The following SGCZ variants were observed in gnomAD, a reference collection of about 807,000 sequenced individuals.
SGCZ encodes the protein zeta-sarcoglycan.
Under a neutral mutation model 41.3 loss-of-function variants are expected in SGCZ, and 40 were observed. That is an observed-to-expected ratio of 0.97 (90% CI 0.75 to 1.26). SGCZ has a LOEUF of 1.26. SGCZ is among the 50% of genes most tolerant of loss of function. The probability of loss-of-function intolerance (pLI) is 0.00; values close to 1 mark genes in which losing one functional copy is unlikely to be tolerated. For synonymous variants in SGCZ, 206 were observed against 137.5 expected, an observed-to-expected ratio of 1.50 and a Z score of -3.49; for missense variants, 552 against 369.8, an observed-to-expected ratio of 1.49 and a Z score of -4.04.
chr8:14,540,220 ATTTTT>A (rs11428713), intron 2 of SGCZ, among the ~76,000 whole-genome samples: 14,728 of 49,002 alleles, frequency 0.3, 1,529 homozygotes, highest in Admixed American at 0.36. Flanking sequence ...TCTCTGCTTA[ATTTTT>A]TTTTTTTTTT....
chr8:14,943,943 G>C (rs983327831), intron 1 of SGCZ, among the ~76,000 whole-genome samples: 1 of 152,030 alleles, frequency 6.6e-6, no homozygotes, highest in Non-Finnish European at 1.5e-5. Flanking sequence ...GTATGCCATG[G>C]TATATTACAT....
chr8:14,894,965 C>T (rs1805139836), intron 1 of SGCZ, among the ~76,000 whole-genome samples: 1 of 151,770 alleles, frequency 6.6e-6, no homozygotes, highest in Admixed American at 6.6e-5. Context: ...ATGCTAAATG[C>T]AAAAAAATCT....
intron 2 of SGCZ, among the ~76,000 whole-genome samples, chr8:14,460,556 G>A (rs906649431): frequency 6.6e-6 from 1 of 152,096 alleles, no homozygotes; most frequent in Non-Finnish European, 1.5e-5. Flanking sequence ...CATGCAAATA[G>A]CTCTTCAGGG....
intron 1 of SGCZ, among the ~76,000 whole-genome samples, chr8:15,118,223 T>C (rs1376868785): frequency 6.6e-6 from 1 of 152,226 alleles, no homozygotes; most frequent in Non-Finnish European, 1.5e-5. Context: ...TCAATAAAAA[T>C]CATTATTCTT....
Position 14,188,055 on chromosome 8 carries a change from A to T in SGCZ, c.425-23353T>A, listed in dbSNP as rs1024160561. Reference sequence around the variant, plus strand: ...CAGCATATTCAAAGTGTTCAGATTTAAAAAAAAAGTCAACCAAGAGTTCTA... The same window carrying T: ...CAGCATATTCAAAGTGTTCAGATTTTAAAAAAAAGTCAACCAAGAGTTCTA... On this transcript the variant is annotated intron_variant, in intron 4 of 7. Transcript: ENST00000382080. Among the ~76,000 whole-genome samples, 18 of 151,650 alleles carry T rather than the reference A, an allele frequency of 1.2e-4. No homozygotes were observed. The South Asian group carries it at 1.7e-3, about 14-fold the overall frequency.
rs5889531 is a variant in SGCZ, at chr8:14,386,302, T to TAAAA, written c.235-62102_235-62099dup. On this transcript the variant is annotated intron_variant, in intron 2 of 7. Coordinates refer to ENST00000382080, the MANE Select transcript of SGCZ (RefSeq NM_139167.4). Reference sequence around the variant, plus strand: ...TAAAAATCTTTTGACTGCATCATGGTAAAAAAAAAAAAAACATTCTTAGTA... The same window carrying TAAAA: ...TAAAAATCTTTTGACTGCATCATGGTAAAAAAAAAAAAAAAAAACATTCTTAGTA... Among the ~76,000 whole-genome samples, 1,304 of 138,496 alleles carry TAAAA rather than the reference T, an allele frequency of 9.4e-3. 11 individuals carry two copies. Among genetic ancestry groups the TAAAA allele is most frequent in the African/African-American group, 0.022 (886 of 39,512 alleles). 90.9% of individuals were successfully genotyped at this position (138,496 alleles called of 152,430 possible). A position where few individuals can be genotyped will look rare whatever the true frequency, so the allele number is the denominator to read the frequency against.
chr8:14,281,194 C>G (rs187379186), intron 3 of SGCZ, among the ~76,000 whole-genome samples: 1 of 151,990 alleles, frequency 6.6e-6, no homozygotes, highest in African/African-American at 2.4e-5. Flanking sequence ...ACATATGAGA[C>G]TTAGTTTCTA....
intron 1 of SGCZ, among the ~76,000 whole-genome samples, chr8:15,230,710 T>C (rs1001671318): frequency 1.3e-5 from 2 of 152,166 alleles, no homozygotes; most frequent in Admixed American, 6.5e-5. Flanking sequence ...CTTGCCATGG[T>C]CCCAGAGTCA....
At chr8:14,616,165 C>A (rs1179558792) in intron 1 of SGCZ, among the ~76,000 whole-genome samples, 5 of 151,988 alleles carry the variant, frequency 3.3e-5, no homozygotes, top group African/African-American at 1.2e-4. Flanking sequence ...CGCCTCTAGT[C>A]CCAGCTACTC....
intron 1 of SGCZ, among the ~76,000 whole-genome samples, chr8:14,906,529 G>A (rs533311147): frequency 6.6e-5 from 10 of 152,228 alleles, no homozygotes; most frequent in South Asian, 6.2e-4. Flanking sequence ...CAAAGCAAAC[G>A]TAAACTGCTG....
chr8:14,869,325 C>T (rs1299127166), intron 1 of SGCZ, among the ~76,000 whole-genome samples: 1 of 152,114 alleles, frequency 6.6e-6, no homozygotes, highest in Non-Finnish European at 1.5e-5. Context: ...TATACAGAAT[C>T]AATCACAAAA....
intron 1 of SGCZ, among the ~76,000 whole-genome samples, chr8:14,957,563 A>T (rs1269918528): frequency 6.6e-6 from 1 of 152,046 alleles, no homozygotes; most frequent in African/African-American, 2.4e-5. Context: ...ATTCTCAGTG[A>T]GATAAAACTA....
At chr8:14,398,114 G>C (rs956827842) in intron 2 of SGCZ, among the ~76,000 whole-genome samples, 2 of 152,072 alleles carry the variant, frequency 1.3e-5, no homozygotes, top group African/African-American at 2.4e-5. Flanking sequence ...AAGTAGTCTA[G>C]ATTTTCCCTG....
intron 2 of SGCZ, among the ~76,000 whole-genome samples, chr8:14,538,210 C>G (rs1803354972): frequency 6.6e-6 from 1 of 151,902 alleles, no homozygotes; most frequent in Non-Finnish European, 1.5e-5. Context: ...GCTATTTTAA[C>G]TTATTTTTAT....
chr8:14,300,730 A>C (rs1037882915), intron 3 of SGCZ, among the ~76,000 whole-genome samples: 1 of 151,890 alleles, frequency 6.6e-6, no homozygotes, highest in Non-Finnish European at 1.5e-5. Context: ...ATTAGTGATG[A>C]TCATTTTAAA....
At chr8:14,617,270 T>G (rs1464673154) in intron 1 of SGCZ, among the ~76,000 whole-genome samples, 2 of 152,192 alleles carry the variant, frequency 1.3e-5, no homozygotes. Context: ...AAATCAAATG[T>G]ATGATACAAC....
chr8:14,487,339 A>G (rs1307517115), intron 2 of SGCZ, among the ~76,000 whole-genome samples: 1 of 152,238 alleles, frequency 6.6e-6, no homozygotes, highest in Non-Finnish European at 1.5e-5. Flanking sequence ...TTTTTAAAAA[A>G]TAATAATATT....
chr8:14,636,966 T>A (rs1806850445), intron 1 of SGCZ, among the ~76,000 whole-genome samples: 1 of 151,932 alleles, frequency 6.6e-6, no homozygotes, highest in African/African-American at 2.4e-5. Context: ...TTCTAGGTCA[T>A]TCCATTTTTC....
At chr8:14,685,545 C>G (rs1808585433) in intron 1 of SGCZ, among the ~76,000 whole-genome samples, 1 of 152,048 alleles carries the variant, frequency 6.6e-6, no homozygotes, top group African/African-American at 2.4e-5. Flanking sequence ...ACTAATATTG[C>G]TATTCATTGA....
Sources: gnomAD v4.1 joint callset for allele counts (sites outside exome capture counted in the v4.1 genomes callset) on GRCh38, gnomAD v4.1.1 for gene constraint, MANE v1.5 for transcripts, NCBI Gene and HGNC (gene_info 2026-07-23, HGNC 2026-07-21) for gene names.